CRLS1: variants seen among roughly 807,000 people sequenced by gnomAD.
The protein encoded by CRLS1 is cardiolipin synthase (CMP-forming).
CRLS1 carries 24 observed loss-of-function variants against 37.0 expected under a neutral mutation model. The observed-to-expected ratio is 0.65, with a 90% CI of 0.47 to 0.91. CRLS1 has a LOEUF of 0.91. Among genes scored for constraint, CRLS1 ranks in the 40% least tolerant of loss-of-function variants. CRLS1 has a pLI of 0.00. For synonymous variants in CRLS1, 135 were observed against 159.7 expected, an observed-to-expected ratio of 0.85 and a Z score of 1.17; for missense variants, 373 against 395.8, an observed-to-expected ratio of 0.94 and a Z score of 0.49.
intron 5 of CRLS1, among the ~76,000 whole-genome samples, chr20:6,033,111 A>T (rs902157570): frequency 5.5e-5 from 8 of 145,220 alleles, no homozygotes; most frequent in Non-Finnish European, 1.0e-4. Context: ...TTTTATTTTA[A>T]TTTAATTTAA....
At chr20:6,024,467 T>C (rs1338729519) in intron 3 of CRLS1, among the ~76,000 whole-genome samples, 2 of 152,196 alleles carry the variant, frequency 1.3e-5, no homozygotes, top group African/African-American at 4.8e-5. Context: ...TTGTGTATGT[T>C]CTGACTGCTC....
intron 6 of CRLS1, 32 bp from the exon 7 acceptor site, chr20:6,037,042 A>C (rs1167369473): frequency 1.3e-6 from 2 of 1,506,088 alleles, no homozygotes; most frequent in African/African-American, 2.7e-5. Flanking sequence ...TAGACTTGAC[A>C]ACTACATTTT....
chr20:6,007,199 A>C, intron 1 of CRLS1: 3 of 1,424,178 alleles, frequency 2.1e-6, no homozygotes, highest in Non-Finnish European at 9.2e-7. Context: ...GACTCATGCA[A>C]TTATTACATC....
chr20:6,017,111 C>A (rs1217607992), intron 3 of CRLS1, among the ~76,000 whole-genome samples: 1 of 152,132 alleles, frequency 6.6e-6, no homozygotes, highest in Non-Finnish European at 1.5e-5. Flanking sequence ...TGACCTCAGC[C>A]TCCCAAGAAC....
Position 6,038,779 on chromosome 20 carries a change from G to A in CRLS1, c.*1621G>A, listed in dbSNP as rs1300833107. On this transcript the variant is annotated 3_prime_UTR_variant, in exon 7 of 7. Transcript: ENST00000378863. ...ATTTAGAACTTTGCACTTTGTTAAC[G>A]CTTATTTATGGTTTAGTGTTGATGC... 2 of 152,188 alleles carry A rather than the reference G, an allele frequency of 1.3e-5. No homozygotes were observed. The highest frequency in any genetic ancestry group is 2.1e-4 in the South Asian group (1 of 4,830). The allele number at this position is 152,188 out of a possible 1,614,324, so 9.4% of individuals were successfully genotyped here.
intron 5 of CRLS1, among the ~76,000 whole-genome samples, chr20:6,033,140 T>C (rs1329554438): frequency 6.6e-6 from 1 of 151,374 alleles, no homozygotes; most frequent in Non-Finnish European, 1.5e-5. Context: ...TATTTTATTA[T>C]TTTTTATAGA....
chr20:6,023,159 G>A (rs1305274781), intron 3 of CRLS1, among the ~76,000 whole-genome samples: 1 of 151,974 alleles, frequency 6.6e-6, no homozygotes, highest in Non-Finnish European at 1.5e-5. Flanking sequence ...TTATCCCCTT[G>A]AACATGAGTT....
chr20:6,007,790 C>CT (rs773453724), intron 1 of CRLS1, among the ~76,000 whole-genome samples: 2 of 152,234 alleles, frequency 1.3e-5, no homozygotes, highest in East Asian at 3.9e-4. Context: ...GGTCAACAGA[C>CT]TTATCTTTTT....
At chr20:6,015,337 A>G (rs1439835990) in intron 2 of CRLS1, 24 bp from the exon 3 acceptor site, 4 of 1,496,808 alleles carry the variant, frequency 2.7e-6, no homozygotes, top group Admixed American at 2.0e-5. Flanking sequence ...ATTTATATAT[A>G]TAAAAAAAAA....
intron 2 of CRLS1, among the ~76,000 whole-genome samples, chr20:6,011,544 C>T (rs1021999879): frequency 1.6e-5 from 2 of 125,494 alleles, no homozygotes; most frequent in Non-Finnish European, 3.3e-5. Flanking sequence ...CCCATTCTCA[C>T]AATCTTTCTC....
chr20:6,031,885 A>G, intron 4 of CRLS1, 127 bp from the exon 5 acceptor site: 2 of 658,484 alleles, frequency 3.0e-6, no homozygotes, highest in East Asian at 2.8e-5. Context: ...AATATTCAGT[A>G]TATATTGAAT....
chr20:6,008,843 A>C (rs2122905361), intron 1 of CRLS1, among the ~76,000 whole-genome samples: 1 of 152,246 alleles, frequency 6.6e-6, no homozygotes, highest in Admixed American at 6.5e-5. Flanking sequence ...TGGAGTTGAT[A>C]ATTTGGCCTT....
In CRLS1 at chr20:6,039,968, G is replaced by A. The variant is rs1980868322; in HGVS notation, c.*2810G>A. ...CTGAACTGTAGGAAAATAAATTTCT[G>A]TTCTTTTAAGCCATTTTTACCAGTT... is the stretch of plus-strand genomic sequence containing the variant. On this transcript the variant is annotated 3_prime_UTR_variant, in exon 7 of 7. Transcript: ENST00000378863. The A allele has an allele frequency of 6.6e-6, 1 of 152,160 alleles. No individual in the cohort carries two copies. Among genetic ancestry groups the A allele is most frequent in the Admixed American group, 6.5e-5 (1 of 15,272 alleles). 9.4% of individuals were successfully genotyped at this position (152,160 alleles called of 1,614,324 possible). A position where few individuals can be genotyped will look rare whatever the true frequency, so the allele number is the denominator to read the frequency against.
At position 6,035,724 on chromosome 20, in the gene CRLS1, C is replaced by T. The variant is rs755164740; in HGVS notation, c.821+1169C>T. On this transcript the variant is annotated intron_variant, in intron 6 of 6. Transcript: ENST00000378863. ...GTAACCTTGAATTCCTGGCCTCAAG[C>T]GATCCTTCAGCTTCAGCCTCCTGAG... 5.3e-5 allele frequency among the ~76,000 whole-genome samples: 8 copies of T among 152,194 alleles called. No individual in the cohort carries two copies. In the East Asian group the frequency reaches 9.6e-4, roughly 18 times the overall value.
chr20:6,008,900 C>T (rs1423559053), intron 1 of CRLS1, among the ~76,000 whole-genome samples: 1 of 152,192 alleles, frequency 6.6e-6, no homozygotes, highest in Admixed American at 6.5e-5. Context: ...TGTCTATTTA[C>T]AAGATCTTCC....
chr20:6,022,335 CTTTTTTTTTT>C (rs34621758), intron 3 of CRLS1, among the ~76,000 whole-genome samples: 1 of 94,708 alleles, frequency 1.1e-5, no homozygotes, highest in East Asian at 2.9e-4. Context: ...TAATCCATTG[CTTTTTTTTTT>C]TTTTTTTTTT....
intron 1 of CRLS1, among the ~76,000 whole-genome samples, chr20:6,007,779 T>C (rs2090078986): frequency 6.6e-6 from 1 of 152,228 alleles, no homozygotes; most frequent in Admixed American, 6.5e-5. Flanking sequence ...TACCATAGTA[T>C]GGTCAACAGA....
At chr20:6,031,068 C>T in intron 3 of CRLS1, 1 of 426,272 alleles carries the variant, frequency 2.3e-6, no homozygotes, top group East Asian at 3.7e-5. Context: ...AAGCCATAGT[C>T]TGTACTTCAC....
rs374952309 is a variant in CRLS1 at position 6,006,412 on chromosome 20, C to T, written c.166C>T (p.Leu56Phe). Residue 56 changes from leucine (L) to phenylalanine (F), a missense_variant, in exon 1 of 7, where the codon CTT becomes TTT. Transcript: ENST00000378863. ...AERWRLRPAA[L>F]GLRLPGIGQR... Reference sequence around the variant, plus strand: ...ACGCTGGAGGCTGCGTCCGGCCGCTCTTGGCTTGCGGCTGCCCGGGATCGG... The same window carrying T: ...ACGCTGGAGGCTGCGTCCGGCCGCTTTTGGCTTGCGGCTGCCCGGGATCGG... 1.5e-4 allele frequency: 218 copies of T among 1,410,758 alleles called. No homozygotes were observed. The East Asian group carries it at 3.7e-3, about 24-fold the overall frequency. 87.4% of individuals were successfully genotyped at this position (1,410,758 alleles called of 1,614,324 possible).
Sources: gnomAD v4.1 joint callset for allele counts (sites outside exome capture counted in the v4.1 genomes callset) on GRCh38, gnomAD v4.1.1 for gene constraint, MANE v1.5 for transcripts, NCBI Gene and HGNC (gene_info 2026-07-23, HGNC 2026-07-21) for gene names.